WAC: variants seen among roughly 807,000 people sequenced by gnomAD.
WAC encodes the protein WW domain-containing adapter protein with coiled-coil.
WAC carries 11 observed loss-of-function variants against 79.6 expected under a neutral mutation model. The observed-to-expected ratio is 0.14, with a 90% CI of 0.09 to 0.23. WAC has a LOEUF of 0.23. Ranked by LOEUF, WAC falls within the 10% of genes least tolerant of loss-of-function variation. WAC has a pLI of 1.00. For missense variants in WAC, 728 were observed against 773.5 expected, an observed-to-expected ratio of 0.94 and a Z score of 0.70; for synonymous variants, 304 against 276.9, an observed-to-expected ratio of 1.10 and a Z score of -0.97.
intron 6 of WAC, among the ~76,000 whole-genome samples, chr10:28,592,419 C>A (rs956749037): frequency 3.9e-5 from 6 of 151,972 alleles, no homozygotes; most frequent in Non-Finnish European, 7.4e-5. Flanking sequence ...GTCAAGAGAT[C>A]GAGCCCATCC....
At position 28,613,253 on chromosome 10, in the gene WAC, G is replaced by T. The variant is rs150802851; in HGVS notation, c.1438-1314G>T. ...GTGCTGGCACAGACCTATAATCCCA[G>T]CTACTCGGGCGGCTGAGGCATGAGA... On this transcript the variant is annotated intron_variant, in intron 10 of 13. Transcript: ENST00000354911. Among the ~76,000 whole-genome samples, 521 of 152,332 alleles carry T rather than the reference G, an allele frequency of 3.4e-3. 2 individuals are homozygous for T. Among genetic ancestry groups the T allele is most frequent in the African/African-American group, 0.012 (495 of 41,568 alleles).
intron 3 of WAC, among the ~76,000 whole-genome samples, chr10:28,563,442 CAGTTA>C (rs1334606979): frequency 2.0e-5 from 3 of 152,074 alleles, no homozygotes; most frequent in Non-Finnish European, 4.4e-5. Flanking sequence ...TAACAGTAAT[CAGTTA>C]AGTTTGGGAA....
chr10:28,585,342 C>G (rs1839762612), intron 4 of WAC, among the ~76,000 whole-genome samples: 1 of 152,030 alleles, frequency 6.6e-6, no homozygotes, highest in South Asian at 2.1e-4. Flanking sequence ...GCGGCTGCTC[C>G]TTTCTCCTGC....
intron 7 of WAC, among the ~76,000 whole-genome samples, chr10:28,605,567 A>G (rs988192897): frequency 6.6e-6 from 1 of 152,204 alleles, no homozygotes; most frequent in African/African-American, 2.4e-5. Flanking sequence ...CTCACCTGTA[A>G]TTCCCCAAAA....
chr10:28,610,683 A>C lies in WAC; in HGVS notation c.1166-16A>C. 6.2e-7 allele frequency: 1 copy of C among 1,600,258 alleles called. No individual in the cohort carries two copies. Among genetic ancestry groups the C allele is most frequent in the Non-Finnish European group, 8.5e-7 (1 of 1,176,354 alleles). On this transcript the variant is annotated splice_polypyrimidine_tract_variant and intron_variant, in intron 8 of 13. Coordinates refer to ENST00000354911, the MANE Select transcript of WAC (RefSeq NM_016628.5). The stretch of plus-strand genomic sequence containing the variant: ...CTCTTGTTTTTATATGAATGTATGA[A>C]ATAATATGTTTTTAGTTCTTACAGC...
chr10:28,556,369 C>G (rs1589149185), intron 3 of WAC, among the ~76,000 whole-genome samples: 1 of 104,456 alleles, frequency 9.6e-6, no homozygotes, highest in Non-Finnish European at 2.0e-5. Flanking sequence ...ATGGTAGATT[C>G]AATTTCGTTG....
rs765113825 is a variant in WAC, at chr10:28,619,761, A to G, written c.*155A>G. On this transcript the variant is annotated 3_prime_UTR_variant, in exon 14 of 14. Transcript: ENST00000354911. Reference sequence around the variant, plus strand: ...GGGTCTGTGAGAGTCAATTCAGGGGAAAGATACAAGATTGATTTGTAAAAC... The same window carrying G: ...GGGTCTGTGAGAGTCAATTCAGGGGGAAGATACAAGATTGATTTGTAAAAC... 1.6e-4 allele frequency: 88 copies of G among 544,432 alleles called. No homozygotes were observed. Among genetic ancestry groups the G allele is most frequent in the Non-Finnish European group, 2.6e-4 (81 of 313,004 alleles). The allele number at this position is 544,432 out of a possible 1,614,324, so 33.7% of individuals were successfully genotyped here. A position where few individuals can be genotyped will look rare whatever the true frequency, so the allele number is the denominator to read the frequency against.
At chr10:28,533,801 G>C (rs1024957316) in intron 1 of WAC, 181 bp downstream of exon 1, 3 of 994,032 alleles carry the variant, frequency 3.0e-6, no homozygotes, top group African/African-American at 3.4e-5. Flanking sequence ...CGGGGAGCGG[G>C]GGCCCGGCTT....
Position 28,619,750 on chromosome 10 carries a change from C to T in WAC, c.*144C>T. 5.3e-6 allele frequency: 3 copies of T among 562,510 alleles called. No homozygotes were observed. Among genetic ancestry groups the T allele is most frequent in the South Asian group, 2.9e-5 (1 of 34,348 alleles). 34.8% of individuals were successfully genotyped at this position (562,510 alleles called of 1,614,324 possible). On this transcript the variant is annotated 3_prime_UTR_variant, in exon 14 of 14. Coordinates refer to ENST00000354911, the MANE Select transcript of WAC (RefSeq NM_016628.5). ...ACAAGGGGACGGGGTCTGTGAGAGTCAATTCAGGGGAAAGATACAAGATTG... is the reference window on the plus strand; with the variant it reads ...ACAAGGGGACGGGGTCTGTGAGAGTTAATTCAGGGGAAAGATACAAGATTG...
chr10:28,533,641 G>T, intron 1 of WAC, 21 bp downstream of exon 1: 1 of 1,599,686 alleles, frequency 6.3e-7, no homozygotes, highest in Non-Finnish European at 8.5e-7. Flanking sequence ...TTTTCGTTTC[G>T]GGCCGGGCGG....
intron 3 of WAC, among the ~76,000 whole-genome samples, chr10:28,555,469 C>A (rs1837930972): frequency 6.6e-6 from 1 of 151,768 alleles, no homozygotes; most frequent in Non-Finnish European, 1.5e-5. Context: ...GCAGTAGATA[C>A]AAGAACCACT....
At chr10:28,556,388 AT>A (rs764934182) in intron 3 of WAC, among the ~76,000 whole-genome samples, 2,721 of 54,854 alleles carry the variant, frequency 0.05, 10 homozygotes, top group African/African-American at 0.072. Flanking sequence ...TGCCCATTAA[AT>A]TTTTTTTTTT....
At chr10:28,603,951 ATGTATG>A (rs1322047435) in intron 7 of WAC, among the ~76,000 whole-genome samples, 12 of 58,452 alleles carry the variant, frequency 2.1e-4, no homozygotes, top group Non-Finnish European at 2.5e-4. Context: ...AAATATATAT[ATGTATG>A]TATGTATATA....
At chr10:28,574,390 C>T (rs994444561) in intron 3 of WAC, among the ~76,000 whole-genome samples, 6 of 152,012 alleles carry the variant, frequency 3.9e-5, no homozygotes, top group African/African-American at 9.6e-5. Context: ...TCGGGCAGTC[C>T]GCCTGCCTTG....
At position 28,590,626 on chromosome 10, in the gene WAC, T is replaced by C. The variant is rs1840035900; in HGVS notation, c.498-94T>C. 9 of 990,830 alleles carry C rather than the reference T, an allele frequency of 9.1e-6. No individual in the cohort carries two copies. In the South Asian group the frequency reaches 1.4e-4, roughly 16 times the overall value. The allele number at this position is 990,830 out of a possible 1,614,324, so 61.4% of individuals were successfully genotyped here. A position where few individuals can be genotyped will look rare whatever the true frequency, so the allele number is the denominator to read the frequency against. ...ATGTTCACTCCTTTTGTTTTCTGTA[T>C]ACCATTTGTTAGGCATTTGGCCAGA... On this transcript the variant is annotated intron_variant, in intron 5 of 13. Coordinates refer to ENST00000354911, the MANE Select transcript of WAC (RefSeq NM_016628.5).
chr10:28,544,065 T>G (rs1329168786), intron 3 of WAC, among the ~76,000 whole-genome samples: 2 of 152,206 alleles, frequency 1.3e-5, no homozygotes, highest in East Asian at 3.8e-4. Flanking sequence ...GTATTTTTAG[T>G]AGAGACAGGG....
chr10:28,574,713 G>T (rs2132571584), intron 3 of WAC, among the ~76,000 whole-genome samples: 1 of 152,316 alleles, frequency 6.6e-6, no homozygotes, highest in African/African-American at 2.4e-5. Flanking sequence ...CAAAGTGCTA[G>T]GATTACAGGT....
At position 28,619,728 on chromosome 10, in the gene WAC, A is replaced by C; in HGVS notation, c.*122A>C. The C allele has an allele frequency of 1.4e-6, 1 of 699,130 alleles. No homozygotes were observed. The highest frequency in any genetic ancestry group is 2.3e-6 in the Non-Finnish European group (1 of 440,528). 43.3% of individuals were successfully genotyped at this position (699,130 alleles called of 1,614,324 possible). On this transcript the variant is annotated 3_prime_UTR_variant, in exon 14 of 14. Coordinates refer to ENST00000354911, the MANE Select transcript of WAC (RefSeq NM_016628.5). Reference sequence around the variant, plus strand: ...GTTAAGCTGGGCAAAGGAAATGACAAGGGGACGGGGTCTGTGAGAGTCAAT... The same window carrying C: ...GTTAAGCTGGGCAAAGGAAATGACACGGGGACGGGGTCTGTGAGAGTCAAT...
intron 4 of WAC, chr10:28,589,289 G>A (rs1245423542): frequency 6.6e-6 from 1 of 152,258 alleles, no homozygotes; most frequent in Non-Finnish European, 1.5e-5. Flanking sequence ...TTCTCACTGA[G>A]TAACAGTTAA....
Sources: gnomAD v4.1 joint callset for allele counts (sites outside exome capture counted in the v4.1 genomes callset) on GRCh38, gnomAD v4.1.1 for gene constraint, MANE v1.5 for transcripts, NCBI Gene and HGNC (gene_info 2026-07-23, HGNC 2026-07-21) for gene names.